Variants in KLHL29 observed in about 807,000 individuals in gnomAD.
The protein encoded by KLHL29 is kelch-like protein 29.
A neutral mutation model predicts 80.4 loss-of-function variants in KLHL29; 21 were observed. That is an observed-to-expected ratio of 0.26 (90% confidence interval 0.19 to 0.38). The LOEUF (loss-of-function observed/expected upper bound fraction) is 0.38, where lower values mean the gene tolerates loss of function less well. Among genes scored for constraint, KLHL29 ranks in the 10% least tolerant of loss-of-function variants. KLHL29 has a pLI of 1.00. For synonymous variants in KLHL29, 511 were observed against 526.8 expected (o/e 0.97, Z 0.41); for missense variants, 867 against 1,223.9 (o/e 0.71, Z 4.35).
chr2:23,412,122 AGGGGGG>A (rs33951812), intron 1 of KLHL29, among the ~76,000 whole-genome samples: 1 of 118,626 alleles, frequency 8.4e-6, no homozygotes, highest in African/African-American at 3.3e-5. Flanking sequence ...GTGTGCGTGA[AGGGGGG>A]GGGGGGGCGG....
intron 2 of KLHL29, among the ~76,000 whole-genome samples, chr2:23,497,985 A>C (rs1665319234): frequency 6.6e-6 from 1 of 152,138 alleles, no homozygotes; most frequent in South Asian, 2.1e-4. Flanking sequence ...TTTTTAATTT[A>C]AGGTGTGCAG....
intron 1 of KLHL29, among the ~76,000 whole-genome samples, chr2:23,435,134 T>C (rs1663302181): frequency 6.6e-6 from 1 of 152,082 alleles, no homozygotes; most frequent in East Asian, 1.9e-4. Context: ...ACCTTAAAAG[T>C]GGCAACATTG....
At chr2:23,660,545 C>T (rs1488732927) in intron 5 of KLHL29, among the ~76,000 whole-genome samples, 2 of 152,266 alleles carry the variant, frequency 1.3e-5, no homozygotes, top group East Asian at 3.8e-4. Context: ...AAGGGGAACA[C>T]TCTGTCCCAA....
chr2:23,699,304 C>T (rs189097347), intron 11 of KLHL29, among the ~76,000 whole-genome samples: 3 of 152,310 alleles, frequency 2.0e-5, no homozygotes, highest in Admixed American at 6.5e-5. Flanking sequence ...CAGACCCAAC[C>T]CTGGTGGCAC....
rs1048827078 is a variant in KLHL29 at position 23,525,636 on chromosome 2, G to A, written c.-45-36516G>A. ...CCCCGTCCTGAGCTTGGCGGCGAGG[G>A]GCCTGGTTTTGCCCTGCCTGGGAAG... On this transcript the variant is annotated intron_variant, in intron 2 of 13. Transcript: ENST00000486442. Among the ~76,000 whole-genome samples, 4 of 152,138 alleles carry A rather than the reference G, an allele frequency of 2.6e-5. 1 individual carries two copies. Among genetic ancestry groups the A allele is most frequent in the Non-Finnish European group, 4.4e-5 (3 of 68,022 alleles).
intron 3 of KLHL29, among the ~76,000 whole-genome samples, chr2:23,570,532 C>G (rs751731941): frequency 2.5e-4 from 38 of 152,368 alleles, no homozygotes; most frequent in African/African-American, 7.2e-4. Context: ...TCCTGCCTTC[C>G]TTTGCCCTTA....
At chr2:23,638,085 TAAA>T (rs553356362) in intron 3 of KLHL29, among the ~76,000 whole-genome samples, 6 of 111,594 alleles carry the variant, frequency 5.4e-5, no homozygotes, top group Admixed American at 1.9e-4. Flanking sequence ...ATGGCCATAG[TAAA>T]AAAAAAAAAA....
At chr2:23,407,414 T>G (rs1356300971) in intron 1 of KLHL29, among the ~76,000 whole-genome samples, 1 of 152,178 alleles carries the variant, frequency 6.6e-6, no homozygotes, top group African/African-American at 2.4e-5. Context: ...AGCATTTGTT[T>G]CTGTGTATTG....
intron 3 of KLHL29, among the ~76,000 whole-genome samples, chr2:23,634,171 T>C (rs1355780695): frequency 6.6e-6 from 1 of 152,150 alleles, no homozygotes; most frequent in East Asian, 1.9e-4. Context: ...TCAGTGATGC[T>C]TGGCAGAAGG....
intron 3 of KLHL29, among the ~76,000 whole-genome samples, chr2:23,591,543 G>A (rs1668260970): frequency 7.2e-6 from 1 of 139,064 alleles, no homozygotes; most frequent in African/African-American, 2.7e-5. Flanking sequence ...GACTCCTCCT[G>A]CTCCTTACCC....
At chr2:23,605,252 C>T (rs1344142377) in intron 3 of KLHL29, among the ~76,000 whole-genome samples, 3 of 151,840 alleles carry the variant, frequency 2.0e-5, no homozygotes, top group Admixed American at 2.0e-4. Context: ...GCTGGGACTA[C>T]ACAGCCAGCT....
rs73919802 is a variant in KLHL29, at chr2:23,656,677, T to C, written c.940+13827T>C. Among the ~76,000 whole-genome samples the C allele has an allele frequency of 3.8e-3, 578 of 152,286 alleles. 3 individuals are homozygous for C. The highest frequency in any genetic ancestry group is 0.013 in the African/African-American group (550 of 41,544). On this transcript the variant is annotated intron_variant, in intron 5 of 13. Transcript: ENST00000486442. ...GATGCCCGCTTAAGACTCATCTGCC[T>C]TAAGCCCCTGGGCACCAATATAGAA...
intron 2 of KLHL29, among the ~76,000 whole-genome samples, chr2:23,533,628 G>A (rs1666570049): frequency 1.3e-5 from 2 of 152,164 alleles, no homozygotes; most frequent in Admixed American, 6.5e-5. Flanking sequence ...CTGCAGATGG[G>A]GTGCGGCGTT....
At chr2:23,438,735 G>A (rs570042498) in intron 1 of KLHL29, among the ~76,000 whole-genome samples, 107 of 151,818 alleles carry the variant, frequency 7.0e-4, no homozygotes, top group Admixed American at 5.1e-3. Context: ...GAGGATTTTT[G>A]CATCAATGTT....
Position 23,422,043 on chromosome 2 carries a change from A to C in KLHL29, c.-154+36263A>C, listed in dbSNP as rs541127926. On this transcript the variant is annotated intron_variant, in intron 1 of 13. Coordinates refer to ENST00000486442, the MANE Select transcript of KLHL29 (RefSeq NM_052920.2). ...ATATGTCTTATGTCTGTGTGTGTTC[A>C]TGTGTTTGTGTGTCTCTGTGTGTGT... is the stretch of plus-strand genomic sequence containing the variant. Among the ~76,000 whole-genome samples, 905 of 144,044 alleles carry C rather than the reference A, an allele frequency of 6.3e-3. 8 individuals carry two copies. The highest frequency in any genetic ancestry group is 0.023 in the African/African-American group (874 of 38,488). 94.5% of individuals were successfully genotyped at this position (144,044 alleles called of 152,430 possible).
intron 2 of KLHL29, among the ~76,000 whole-genome samples, chr2:23,560,512 G>A (rs2018457): frequency 0.14 from 21,777 of 152,052 alleles, 2,364 homozygotes; most frequent in African/African-American, 0.27. Context: ...CTTGTGATCC[G>A]CCTGCCTTGG....
At chr2:23,639,504 G>A (rs1023821614) in intron 4 of KLHL29, among the ~76,000 whole-genome samples, 5 of 152,224 alleles carry the variant, frequency 3.3e-5, no homozygotes, top group East Asian at 1.9e-4. Flanking sequence ...AGCAAAAGGA[G>A]TGAGAATGAC....
intron 6 of KLHL29, 112 bp from the exon 7 acceptor site, chr2:23,691,562 G>A: frequency 1.2e-6 from 1 of 811,572 alleles, no homozygotes; most frequent in Non-Finnish European, 2.0e-6. Context: ...CGTGTCCTTT[G>A]AGCCCTAAAA....
chr2:23,590,664 A>G (rs974545509), intron 3 of KLHL29, among the ~76,000 whole-genome samples: 1 of 152,176 alleles, frequency 6.6e-6, no homozygotes, highest in Non-Finnish European at 1.5e-5. Context: ...CCCGAACTTC[A>G]GGGGCAGCTT....
Sources: gnomAD v4.1 joint callset for allele counts (sites outside exome capture counted in the v4.1 genomes callset) on GRCh38, gnomAD v4.1.1 for gene constraint, MANE v1.5 for transcripts, NCBI Gene and HGNC (gene_info 2026-07-23, HGNC 2026-07-21) for gene names.